The following FAM13A variants were observed in gnomAD, a reference collection of about 807,000 sequenced individuals.
The protein encoded by FAM13A is protein FAM13A.
Under a neutral mutation model 129.6 loss-of-function variants are expected in FAM13A, and 76 were observed. That is an observed-to-expected ratio of 0.59 (90% confidence interval 0.49 to 0.71). The LOEUF is 0.71. Among genes scored for constraint, FAM13A ranks in the 30% least tolerant of loss-of-function variants. The probability of loss-of-function intolerance (pLI) is 0.00; values close to 1 mark genes in which losing one functional copy is unlikely to be tolerated. For missense variants in FAM13A, 1,108 were observed against 1,249.3 expected, an observed-to-expected ratio of 0.89 and a Z score of 1.70; for synonymous variants, 443 against 449.9, an observed-to-expected ratio of 0.98 and a Z score of 0.20.
intron 3 of FAM13A, among the ~76,000 whole-genome samples, chr4:88,995,668 T>C (rs1386965719): frequency 2.0e-5 from 3 of 152,176 alleles, no homozygotes; most frequent in African/African-American, 7.2e-5. Context: ...GTTTTGGGAC[T>C]CGGACTGGCT....
chr4:88,894,392 A>T (rs1745927129), intron 6 of FAM13A, among the ~76,000 whole-genome samples: 1 of 152,238 alleles, frequency 6.6e-6, no homozygotes, highest in African/African-American at 2.4e-5. Flanking sequence ...GAAGCCACAG[A>T]AGGCAACACA....
intron 6 of FAM13A, among the ~76,000 whole-genome samples, chr4:88,853,967 C>T (rs1738058254): frequency 1.3e-5 from 2 of 152,190 alleles, no homozygotes. Flanking sequence ...TTGCCAGGGG[C>T]TCTTGGGCCT....
intron 13 of FAM13A, among the ~76,000 whole-genome samples, chr4:88,764,476 A>T (rs1440475687): frequency 1.3e-5 from 2 of 152,192 alleles, no homozygotes; most frequent in Non-Finnish European, 2.9e-5. Flanking sequence ...AAATATTTTC[A>T]TCATAGAAAA....
intron 8 of FAM13A, among the ~76,000 whole-genome samples, chr4:88,793,384 A>C (rs549002615): frequency 9.9e-5 from 15 of 152,140 alleles, no homozygotes; most frequent in Admixed American, 4.6e-4. Flanking sequence ...CCAAGTAATT[A>C]AATCATATTC....
At chr4:88,937,999 T>G in intron 5 of FAM13A, 89 bp downstream of exon 5, 1 of 940,858 alleles carries the variant, frequency 1.1e-6, no homozygotes, top group South Asian at 1.4e-5. Context: ...GAGGGTTATA[T>G]CCATATGGAA....
rs115237396 is a variant in FAM13A, at chr4:88,935,352, T to A, written c.759+2736A>T. The stretch of plus-strand genomic sequence containing the variant: ...CACTTTATGACTCTGTTCTCCAAAC[T>A]GGGATATACAGAGGTATGTCAGTGT... On this transcript the variant is annotated intron_variant, in intron 5 of 23. Coordinates refer to ENST00000264344, the MANE Select transcript of FAM13A (RefSeq NM_014883.4). 2.7e-3 allele frequency among the ~76,000 whole-genome samples: 417 copies of A among 152,344 alleles called. 3 individuals are homozygous for A. Among genetic ancestry groups the A allele is most frequent in the African/African-American group, 9.2e-3 (383 of 41,576 alleles).
At chr4:89,028,201 C>T (rs1338835464) in intron 2 of FAM13A, among the ~76,000 whole-genome samples, 5 of 139,646 alleles carry the variant, frequency 3.6e-5, no homozygotes, top group South Asian at 2.3e-4. Flanking sequence ...AGCTAACCTC[C>T]GTCTCAAAAA....
In FAM13A at chr4:89,029,661, G is replaced by T; in HGVS notation, c.28-12C>A. ...GCTGCTTTACTTTGCTTAAAGGAGC[G>T]TAAGAAAAAAGAGCAGTCAGTCATA... On this transcript the variant is annotated splice_polypyrimidine_tract_variant and intron_variant, in intron 1 of 23. Coordinates refer to ENST00000264344, the MANE Select transcript of FAM13A (RefSeq NM_014883.4). The T allele has an allele frequency of 6.4e-7, 1 of 1,563,612 alleles. No homozygotes were observed.
At chr4:89,032,389 G>C (rs560461646) in intron 1 of FAM13A, among the ~76,000 whole-genome samples, 1 of 152,180 alleles carries the variant, frequency 6.6e-6, no homozygotes, top group African/African-American at 2.4e-5. Context: ...GTGTGTGTTT[G>C]TGTGTGTATA....
intron 15 of FAM13A, 81 bp downstream of exon 15, chr4:88,750,343 T>C: frequency 8.5e-7 from 1 of 1,170,100 alleles, no homozygotes; most frequent in Non-Finnish European, 1.3e-6. Flanking sequence ...TTAAAAAAAA[T>C]TATTCACTAT....
intron 3 of FAM13A, among the ~76,000 whole-genome samples, chr4:88,992,349 C>G (rs1207246597): frequency 6.6e-6 from 1 of 151,708 alleles, no homozygotes; most frequent in Non-Finnish European, 1.5e-5. Context: ...TCACTGCAAC[C>G]TCTGCCTCCT....
chr4:88,774,610 T>C (rs1427413407), intron 11 of FAM13A, among the ~76,000 whole-genome samples: 1 of 152,172 alleles, frequency 6.6e-6, no homozygotes, highest in African/African-American at 2.4e-5. Context: ...AATTGTTTTG[T>C]AGCAGCAGAC....
rs955606216 is a variant in FAM13A at position 88,788,014 on chromosome 4, G to C, written c.1092-82C>G. ...AAAAAATCTGTGCCTACAGTTTTGG[G>C]AACATCTGTATTTCCAGTGGAAAGT... On this transcript the variant is annotated intron_variant, in intron 9 of 23. Transcript: ENST00000264344. 16 of 1,095,416 alleles carry C rather than the reference G, an allele frequency of 1.5e-5. No individual in the cohort carries two copies. The African/African-American group carries it at 2.1e-4, about 14-fold the overall frequency. The allele number at this position is 1,095,416 out of a possible 1,614,324, so 67.9% of individuals were successfully genotyped here. A position where few individuals can be genotyped will look rare whatever the true frequency, so the allele number is the denominator to read the frequency against.
At chr4:88,732,255 A>T (rs1470970125) in intron 21 of FAM13A, 57 bp from the exon 22 acceptor site, 4 of 1,229,662 alleles carry the variant, frequency 3.3e-6, no homozygotes, top group African/African-American at 1.5e-5. Flanking sequence ...GCAGACTTTC[A>T]TTACAAGTAT....
chr4:88,880,541 A>C (rs1392799157), intron 6 of FAM13A, among the ~76,000 whole-genome samples: 2 of 152,122 alleles, frequency 1.3e-5, no homozygotes, highest in African/African-American at 2.4e-5. Context: ...GGAACCTTCT[A>C]GCTGAACTTC....
chr4:88,784,575 C>G (rs1034481526), intron 10 of FAM13A, among the ~76,000 whole-genome samples: 32 of 152,090 alleles, frequency 2.1e-4, no homozygotes, highest in African/African-American at 6.0e-4. Context: ...AATGTCCTGG[C>G]AATGCTGAAC....
intron 6 of FAM13A, among the ~76,000 whole-genome samples, chr4:88,890,601 G>GA (rs1368375451): frequency 2.0e-5 from 3 of 151,996 alleles, no homozygotes; most frequent in South Asian, 2.1e-4. Flanking sequence ...AAAGCTGACA[G>GA]AAAAAAACAA....
chr4:88,811,188 G>A lies in FAM13A; in HGVS notation c.1008-6136C>T, dbSNP rs560313849. Reference sequence around the variant, plus strand: ...GTAAAGAAAAGCAGAGAGAAAATGGGTCTGGATATGCCCAGTAGTGGGCAT... The same window carrying A: ...GTAAAGAAAAGCAGAGAGAAAATGGATCTGGATATGCCCAGTAGTGGGCAT... On this transcript the variant is annotated intron_variant, in intron 7 of 23. Transcript: ENST00000264344. Among the ~76,000 whole-genome samples, 9 of 152,072 alleles carry A rather than the reference G, an allele frequency of 5.9e-5. No individual in the cohort carries two copies. In the East Asian group the frequency reaches 1.6e-3, roughly 26 times the overall value.
intron 5 of FAM13A, among the ~76,000 whole-genome samples, chr4:88,924,834 C>T (rs1179373442): frequency 2.2e-4 from 33 of 150,860 alleles, no homozygotes; most frequent in African/African-American, 5.1e-4. Context: ...CCAGAATCTA[C>T]AATGAACTCA....
Sources: gnomAD v4.1 joint callset for allele counts (sites outside exome capture counted in the v4.1 genomes callset) on GRCh38, gnomAD v4.1.1 for gene constraint, MANE v1.5 for transcripts, NCBI Gene and HGNC (gene_info 2026-07-23, HGNC 2026-07-21) for gene names.